Variants in ENOX1 observed in about 807,000 individuals in gnomAD.
ENOX1 encodes the protein candidate growth-related and time keeping constitutive hydroquinone (NADH) oxidase.
ENOX1 carries 42 observed loss-of-function variants against 82.5 expected under a neutral mutation model. The ratio of observed to expected loss-of-function variants is 0.51; its 90% CI spans 0.40 to 0.66. ENOX1 has a LOEUF of 0.66. ENOX1 is among the 30% of genes least tolerant of loss of function. ENOX1 has a pLI of 0.00. For synonymous variants in ENOX1, 271 were observed against 282.2 expected (o/e 0.96, Z 0.40); for missense variants, 608 against 811.6 (o/e 0.75, Z 3.05).
intron 1 of ENOX1, among the ~76,000 whole-genome samples, chr13:43,757,794 C>A (rs1424557016): frequency 2.0e-5 from 3 of 152,144 alleles, no homozygotes; most frequent in Non-Finnish European, 4.4e-5. Context: ...CTAGTACACT[C>A]TTGGTCATTT....
intron 2 of ENOX1, among the ~76,000 whole-genome samples, chr13:43,599,462 C>T (rs1395338939): frequency 6.6e-6 from 1 of 151,982 alleles, no homozygotes; most frequent in Non-Finnish European, 1.5e-5. Flanking sequence ...CTGGCACCTA[C>T]AGAGGGAGCA....
At chr13:43,577,221 T>A (rs1032071012) in intron 2 of ENOX1, among the ~76,000 whole-genome samples, 2 of 152,098 alleles carry the variant, frequency 1.3e-5, no homozygotes, top group Non-Finnish European at 2.9e-5. Context: ...AACCTCTGCC[T>A]CCTGGGTTCA....
At chr13:43,361,548 T>C (rs2050509008) in intron 5 of ENOX1, 96 bp from the exon 6 acceptor site, 1 of 1,171,612 alleles carries the variant, frequency 8.5e-7, no homozygotes, top group South Asian at 1.5e-5. Flanking sequence ...CTTTATACTT[T>C]CTATTTTTCA....
At chr13:43,572,067 A>C (rs1342581213) in intron 2 of ENOX1, among the ~76,000 whole-genome samples, 1 of 152,162 alleles carries the variant, frequency 6.6e-6, no homozygotes, top group Non-Finnish European at 1.5e-5. Flanking sequence ...TGAGACAAAA[A>C]TGAAGGTTGC....
rs982116837 is a variant in ENOX1 at position 43,213,277 on chromosome 13, A to T, written c.*713T>A. Among the ~76,000 whole-genome samples the T allele has an allele frequency of 6.6e-6, 1 of 152,178 alleles. No individual in the cohort carries two copies. Among genetic ancestry groups the T allele is most frequent in the Non-Finnish European group, 1.5e-5 (1 of 67,996 alleles). On this transcript the variant is annotated 3_prime_UTR_variant, in exon 17 of 17. Coordinates refer to ENST00000690772, the MANE Select transcript of ENOX1 (RefSeq NM_001347969.2). ...AATAACACTAGTTTTTCCTTTATTT[A>T]CACTTTATGAAAACTGTTATGCAGT...
chr13:43,354,578 A>C (rs186223754), intron 8 of ENOX1, among the ~76,000 whole-genome samples: 33 of 151,628 alleles, frequency 2.2e-4, no homozygotes, highest in African/African-American at 7.5e-4. Context: ...AATCCACTTT[A>C]TACACTGCCA....
At chr13:43,616,045 A>G (rs1326911720) in intron 2 of ENOX1, among the ~76,000 whole-genome samples, 1 of 113,680 alleles carries the variant, frequency 8.8e-6, no homozygotes, top group Non-Finnish European at 1.9e-5. Context: ...ACAGTGCTGC[A>G]ATAAACATAC....
intron 9 of ENOX1, among the ~76,000 whole-genome samples, chr13:43,343,801 C>A (rs1213379994): frequency 6.6e-6 from 1 of 152,112 alleles, no homozygotes; most frequent in African/African-American, 2.4e-5. Flanking sequence ...AGAACATCGG[C>A]AGCTGTGATG....
intron 2 of ENOX1, among the ~76,000 whole-genome samples, chr13:43,598,468 T>C (rs1287380885): frequency 6.6e-6 from 1 of 152,206 alleles, no homozygotes; most frequent in Non-Finnish European, 1.5e-5. Flanking sequence ...GCTCTAAGCA[T>C]GTTCTGTGGT....
intron 9 of ENOX1, 76 bp from the exon 10 acceptor site, chr13:43,326,601 T>A: frequency 1.8e-6 from 2 of 1,118,332 alleles, no homozygotes; most frequent in Non-Finnish European, 2.7e-6. Context: ...GCAAAGACAC[T>A]AGGAGTCTAT....
At chr13:43,483,136 A>C (rs1221009833) in intron 3 of ENOX1, among the ~76,000 whole-genome samples, 1 of 152,198 alleles carries the variant, frequency 6.6e-6, no homozygotes, top group Non-Finnish European at 1.5e-5. Context: ...CACCAAATGA[A>C]ATAAATGCCT....
chr13:43,607,944 G>T (rs2082043879), intron 2 of ENOX1, among the ~76,000 whole-genome samples: 1 of 152,296 alleles, frequency 6.6e-6, no homozygotes, highest in East Asian at 1.9e-4. Context: ...AGCTCAGGGA[G>T]TTGCAATGGC....
intron 2 of ENOX1, among the ~76,000 whole-genome samples, chr13:43,505,328 G>C (rs1443593399): frequency 6.6e-6 from 1 of 151,956 alleles, no homozygotes; most frequent in Non-Finnish European, 1.5e-5. Context: ...AAGTACATGT[G>C]AGAAGAAAGG....
intron 3 of ENOX1, among the ~76,000 whole-genome samples, chr13:43,437,679 T>C (rs879618209): frequency 1.3e-5 from 2 of 152,166 alleles, no homozygotes; most frequent in Non-Finnish European, 2.9e-5. Flanking sequence ...TTAGTGCCAA[T>C]GGTTAGGGTT....
At chr13:43,238,386 T>C (rs1174772818) in intron 14 of ENOX1, among the ~76,000 whole-genome samples, 1 of 152,248 alleles carries the variant, frequency 6.6e-6, no homozygotes. Flanking sequence ...ATTCCTGCTA[T>C]GATAAAATAA....
chr13:43,283,841 G>C (rs1176169352), intron 12 of ENOX1, among the ~76,000 whole-genome samples: 2 of 151,326 alleles, frequency 1.3e-5, no homozygotes, highest in Non-Finnish European at 2.9e-5. Flanking sequence ...TTTAAGTTCT[G>C]CTTTAGCTGC....
intron 11 of ENOX1, among the ~76,000 whole-genome samples, chr13:43,302,467 C>A (rs56182243): frequency 0.35 from 53,911 of 151,890 alleles, 9,699 homozygotes; most frequent in South Asian, 0.52. Flanking sequence ...TAGAAAAATT[C>A]TGAATACTGG....
At chr13:43,771,591 G>C (rs2153837171) in intron 1 of ENOX1, among the ~76,000 whole-genome samples, 1 of 152,278 alleles carries the variant, frequency 6.6e-6, no homozygotes, top group Admixed American at 6.5e-5. Flanking sequence ...ATTCAGGCTG[G>C]AAGTGACAGG....
chr13:43,412,127 G>T, intron 4 of ENOX1, 74 bp from the exon 5 acceptor site: 2 of 1,537,370 alleles, frequency 1.3e-6, no homozygotes, highest in Non-Finnish European at 1.8e-6. Flanking sequence ...CACATTTCTA[G>T]ATATGTGAGG....
Sources: gnomAD v4.1 joint callset for allele counts (sites outside exome capture counted in the v4.1 genomes callset) on GRCh38, gnomAD v4.1.1 for gene constraint, MANE v1.5 for transcripts, NCBI Gene and HGNC (gene_info 2026-07-23, HGNC 2026-07-21) for gene names.